AXIN2: variants seen among roughly 807,000 people sequenced by gnomAD.
AXIN2 encodes axin 2.
AXIN2 carries 21 observed loss-of-function variants against 74.7 expected under a neutral mutation model. That is an observed-to-expected ratio of 0.28 (90% CI 0.20 to 0.40). AXIN2 has a LOEUF of 0.40. AXIN2 is among the 10% of genes least tolerant of loss of function. The pLI is 1.00. For missense variants in AXIN2, 1,144 were observed against 1,111.1 expected, an observed-to-expected ratio of 1.03 and a Z score of -0.42; for synonymous variants, 532 against 454.9, an observed-to-expected ratio of 1.17 and a Z score of -2.16.
In AXIN2 at chr17:65,536,649, C is replaced by CAG. The variant is rs895624038; in HGVS notation, c.1908-98_1908-97dup. 2.7e-6 allele frequency: 4 copies of CAG among 1,456,200 alleles called. No homozygotes were observed. In the African/African-American group the frequency reaches 5.6e-5, roughly 20 times the overall value. 90.2% of individuals were successfully genotyped at this position (1,456,200 alleles called of 1,614,324 possible). A position where few individuals can be genotyped will look rare whatever the true frequency, so the allele number is the denominator to read the frequency against. ...TCAATAGAAACTTGTCTATTCTGCT[C>CAG]AGAGAGAGAGTTAAAAAAAAAACTA... On this transcript the variant is annotated intron_variant, in intron 7 of 10. Coordinates refer to ENST00000307078, the MANE Select transcript of AXIN2 (RefSeq NM_004655.4).
intron 2 of AXIN2, among the ~76,000 whole-genome samples, chr17:65,554,802 C>T (rs921352026): frequency 3.9e-5 from 6 of 152,166 alleles, no homozygotes; most frequent in South Asian, 2.1e-4. Flanking sequence ...TGCAGAAAGG[C>T]GAGGACACAG....
At chr17:65,559,778 G>A (rs900897228) in intron 1 of AXIN2, among the ~76,000 whole-genome samples, 1 of 152,240 alleles carries the variant, frequency 6.6e-6, no homozygotes, top group Non-Finnish European at 1.5e-5. Context: ...GAAGGGTAGG[G>A]GCTGAACGGG....
intron 9 of AXIN2, among the ~76,000 whole-genome samples, chr17:65,534,887 G>A (rs1368454340): frequency 6.6e-6 from 1 of 152,076 alleles, no homozygotes; most frequent in Non-Finnish European, 1.5e-5. Flanking sequence ...CCAAGATTAA[G>A]CCACTGCACT....
chr17:65,555,223 C>G (rs2044250152), intron 2 of AXIN2, among the ~76,000 whole-genome samples: 1 of 152,220 alleles, frequency 6.6e-6, no homozygotes, highest in African/African-American at 2.4e-5. Context: ...TCCTCAGCAG[C>G]TGATGAAGAA....
intron 9 of AXIN2, among the ~76,000 whole-genome samples, chr17:65,534,890 A>T (rs2043882016): frequency 6.6e-6 from 1 of 152,184 alleles, no homozygotes; most frequent in Non-Finnish European, 1.5e-5. Flanking sequence ...AGATTAAGCC[A>T]CTGCACTCCA....
chr17:65,556,797 ACACACAGAGAAATT>A (rs1181709727), intron 2 of AXIN2, among the ~76,000 whole-genome samples: 3 of 152,182 alleles, frequency 2.0e-5, no homozygotes, highest in Non-Finnish European at 2.9e-5. Context: ...TGGGCCCCTA[ACACACAGAGAAATT>A]CACACAGAGA....
rs2043954978 is a variant in AXIN2 at position 65,537,618 on chromosome 17, T to C, written c.1418A>G (p.His473Arg). 6.3e-7 allele frequency: 1 copy of C among 1,592,346 alleles called. No individual in the cohort carries two copies. Among genetic ancestry groups the C allele is most frequent in the East Asian group, 2.3e-5 (1 of 44,186 alleles). The change falls in exon 6 of 11, where the codon CAC (histidine) becomes CGC (arginine). Residue 473 changes from histidine (H) to arginine (R), a missense_variant. Coordinates refer to ENST00000307078, the MANE Select transcript of AXIN2 (RefSeq NM_004655.4). ...RSRSPDHHHH[H>R]HSQYHSLLPP... The stretch of plus-strand genomic sequence containing the variant: ...GAGCAGGGAGTGGTACTGCGAATGG[T>C]GGTGGTGGTGGTGGTCCGGGGAGCG...
Position 65,537,533 on chromosome 17 carries a change from C to G in AXIN2, c.1503G>C (p.Gly501=). 1 of 1,613,490 alleles carries G rather than the reference C, an allele frequency of 6.2e-7. No homozygotes were observed. Among genetic ancestry groups the G allele is most frequent in the Non-Finnish European group, 8.5e-7 (1 of 1,179,898 alleles). The part of the protein sequence containing the change: ...AASPGACPLL[G]GKGFVTKQTT... ...TCTGCTTGGTCACAAAGCCTTTGCC[C>G]CCGAGGAGGGGGCAGGCGCCCGGCG... Residue 501 remains glycine (G), a synonymous_variant, in exon 6 of 11, where the codon GGG becomes GGC. Coordinates refer to ENST00000307078, the MANE Select transcript of AXIN2 (RefSeq NM_004655.4).
rs1567755834 is a variant in AXIN2, at chr17:65,537,535, C to T, written c.1501G>A (p.Gly501Arg). 3 of 1,613,426 alleles carry T rather than the reference C, an allele frequency of 1.9e-6. No individual in the cohort carries two copies. The highest frequency in any genetic ancestry group is 1.7e-5 in the Admixed American group (1 of 60,016). ...AASPGACPLL[G>R]GKGFVTKQTT... The stretch of plus-strand genomic sequence containing the variant: ...TGCTTGGTCACAAAGCCTTTGCCCC[C>T]GAGGAGGGGGCAGGCGCCCGGCGAG... The change falls in exon 6 of 11, where the codon GGG becomes AGG. Residue 501 changes from glycine to arginine, a missense_variant. Physicochemically the swap from Gly to Arg is moderately radical, Grantham distance 125. Coordinates refer to ENST00000307078, the MANE Select transcript of AXIN2 (RefSeq NM_004655.4).
At chr17:65,541,191 T>G (rs1487824722) in intron 4 of AXIN2, among the ~76,000 whole-genome samples, 1 of 152,170 alleles carries the variant, frequency 6.6e-6, no homozygotes, top group African/African-American at 2.4e-5. Flanking sequence ...AACCTCTTCT[T>G]TTTATAAATT....
chr17:65,555,572 G>C (rs1024311591), intron 2 of AXIN2, among the ~76,000 whole-genome samples: 3 of 152,106 alleles, frequency 2.0e-5, no homozygotes, highest in Admixed American at 2.0e-4. Context: ...CTTTGCGGCG[G>C]TTCAAAACGT....
chr17:65,533,838 G>C, intron 10 of AXIN2, 74 bp downstream of exon 10: 1 of 1,522,288 alleles, frequency 6.6e-7, no homozygotes, highest in Non-Finnish European at 9.0e-7. Context: ...CTCAGCCAGG[G>C]GAGCTGCTCC....
chr17:65,555,229 A>G (rs2044250405), intron 2 of AXIN2, among the ~76,000 whole-genome samples: 2 of 152,140 alleles, frequency 1.3e-5, no homozygotes, highest in African/African-American at 4.8e-5. Context: ...GCAGCTGATG[A>G]AGAAAGACCA....
intron 10 of AXIN2, among the ~76,000 whole-genome samples, chr17:65,532,030 C>G (rs1275943527): frequency 2.0e-5 from 3 of 152,102 alleles, no homozygotes; most frequent in Non-Finnish European, 4.4e-5. Context: ...CCTGTCCTAC[C>G]CCAGGAGGAC....
intron 10 of AXIN2, among the ~76,000 whole-genome samples, chr17:65,533,655 G>C (rs907424525): frequency 1.3e-5 from 2 of 152,172 alleles, no homozygotes; most frequent in Admixed American, 6.5e-5. Flanking sequence ...CCTCAGTCTG[G>C]TTCACCTGGT....
Position 65,528,640 on chromosome 17 carries a change from A to G in AXIN2, c.*1336T>C, listed in dbSNP as rs1233773253. ...TATTGTACCAAGTAATTTTCCTTAA[A>G]TGAACTCTTTATAATGCATAATTTA... On this transcript the variant is annotated 3_prime_UTR_variant, in exon 11 of 11. Transcript: ENST00000307078. 3.9e-6 allele frequency: 2 copies of G among 511,732 alleles called. No individual in the cohort carries two copies. Among genetic ancestry groups the G allele is most frequent in the East Asian group, 4.2e-5 (1 of 24,004 alleles). The allele number at this position is 511,732 out of a possible 1,614,324, so 31.7% of individuals were successfully genotyped here.
intron 3 of AXIN2, among the ~76,000 whole-genome samples, chr17:65,542,163 T>C (rs2044053766): frequency 6.6e-6 from 1 of 152,214 alleles, no homozygotes; most frequent in South Asian, 2.1e-4. Flanking sequence ...GCCCCTTCTC[T>C]CAGCTCCAAA....
chr17:65,533,816 C>G, intron 10 of AXIN2, 96 bp downstream of exon 10: 1 of 1,172,306 alleles, frequency 8.5e-7, no homozygotes, highest in South Asian at 1.3e-5. Flanking sequence ...CACCCTGCCC[C>G]ACCTAGGTCT....
intron 9 of AXIN2, among the ~76,000 whole-genome samples, chr17:65,534,352 G>A (rs761779355): frequency 1.7e-4 from 26 of 152,152 alleles, no homozygotes; most frequent in Admixed American, 3.9e-4. Flanking sequence ...TTCCCCCACC[G>A]CCACCAAATG....
Sources: gnomAD v4.1 joint callset for allele counts (sites outside exome capture counted in the v4.1 genomes callset) on GRCh38, gnomAD v4.1.1 for gene constraint, MANE v1.5 for transcripts, NCBI Gene and HGNC (gene_info 2026-07-23, HGNC 2026-07-21) for gene names.